Variants in RFX3 observed in about 807,000 individuals in gnomAD.
RFX3 encodes regulatory factor X3, also known as transcription factor RFX3.
A neutral mutation model predicts 98.6 loss-of-function variants in RFX3; 14 were observed. That is an observed-to-expected ratio of 0.14 (90% CI 0.09 to 0.22). The LOEUF (loss-of-function observed/expected upper bound fraction) is 0.22, where lower values mean the gene tolerates loss of function less well. Ranked by LOEUF, RFX3 falls within the 10% of genes least tolerant of loss-of-function variation. The pLI, the probability that RFX3 is intolerant of heterozygous loss-of-function variation, is 1.00. For missense variants in RFX3, 639 were observed against 926.9 expected, an observed-to-expected ratio of 0.69 and a Z score of 4.03; for synonymous variants, 383 against 328.4, an observed-to-expected ratio of 1.17 and a Z score of -1.80.
intron 1 of RFX3, among the ~76,000 whole-genome samples, chr9:3,505,712 G>T (rs910679003): frequency 7.3e-5 from 11 of 151,072 alleles, no homozygotes; most frequent in Non-Finnish European, 1.6e-4. Flanking sequence ...TATCTGCAAG[G>T]TGTTCTTAAT....
chr9:3,406,539 C>T lies in RFX3; in HGVS notation c.-8-10943G>A, dbSNP rs565089867. ...AACAAGACTATAAACTCCATGAATG[C>T]ATGGACTATCCTTATCTTTTTCACT... On this transcript the variant is annotated intron_variant, in intron 1 of 16. Coordinates refer to ENST00000617270, the MANE Select transcript of RFX3 (RefSeq NM_001282116.2). Among the ~76,000 whole-genome samples, 86 of 152,142 alleles carry T rather than the reference C, an allele frequency of 5.7e-4. 1 individual carries two copies. In the East Asian group the frequency reaches 0.016, roughly 28 times the overall value.
rs138803935 is a variant in RFX3 at position 3,269,670 on chromosome 9, C to G, written c.1357+701G>C. Among the ~76,000 whole-genome samples, 11 of 152,276 alleles carry G rather than the reference C, an allele frequency of 7.2e-5. No homozygotes were observed. The East Asian group carries it at 2.1e-3, about 29-fold the overall frequency. On this transcript the variant is annotated intron_variant, in intron 11 of 16. Coordinates refer to ENST00000617270, the MANE Select transcript of RFX3 (RefSeq NM_001282116.2). ...AAGCACCATCACTTAAAAAGGTAAT[C>G]TAACCTATCTATGTAATTCCCATTT...
chr9:3,269,960 A>G (rs1369924325), intron 11 of RFX3, among the ~76,000 whole-genome samples: 1 of 152,056 alleles, frequency 6.6e-6, no homozygotes, highest in Non-Finnish European at 1.5e-5. Flanking sequence ...GTCCTTGGGT[A>G]GAATAATTTT....
At chr9:3,415,187 A>T (rs1049407724) in intron 1 of RFX3, among the ~76,000 whole-genome samples, 1 of 138,484 alleles carries the variant, frequency 7.2e-6, no homozygotes, top group Non-Finnish European at 1.5e-5. Context: ...ATATATACAC[A>T]TACTCATATA....
intron 1 of RFX3, among the ~76,000 whole-genome samples, chr9:3,455,177 G>A (rs1485440411): frequency 2.0e-5 from 3 of 152,124 alleles, no homozygotes; most frequent in Non-Finnish European, 1.5e-5. Context: ...TCTAGGTAAG[G>A]AACAGACTTC....
intron 4 of RFX3, among the ~76,000 whole-genome samples, chr9:3,326,023 G>A (rs2991306): frequency 0.13 from 20,073 of 151,956 alleles, 1,373 homozygotes; most frequent in Middle Eastern, 0.19. Context: ...TATTCAGGTC[G>A]CAACTTAGCT....
intron 1 of RFX3, among the ~76,000 whole-genome samples, chr9:3,509,945 G>T (rs192313186): frequency 3.3e-4 from 50 of 152,032 alleles, no homozygotes; most frequent in South Asian, 8.3e-4. Flanking sequence ...GGAGGAGGAA[G>T]GAGGGGTTCA....
Position 3,395,681 on chromosome 9 carries a change from C to T in RFX3, c.-8-85G>A. On this transcript the variant is annotated intron_variant, in intron 1 of 16. Coordinates refer to ENST00000617270, the MANE Select transcript of RFX3 (RefSeq NM_001282116.2). ...TTACAATTGTTCTTAAAATCCTATA[C>T]TGAAACTAACTTTCAACTCTCATAC... 8 of 1,408,252 alleles carry T rather than the reference C, an allele frequency of 5.7e-6. No homozygotes were observed. The South Asian group carries it at 6.2e-5, about 11-fold the overall frequency. The allele number at this position is 1,408,252 out of a possible 1,614,324, so 87.2% of individuals were successfully genotyped here. A position where few individuals can be genotyped will look rare whatever the true frequency, so the allele number is the denominator to read the frequency against.
intron 15 of RFX3, among the ~76,000 whole-genome samples, chr9:3,232,101 C>T (rs889510409): frequency 3.3e-5 from 5 of 150,970 alleles, no homozygotes; most frequent in African/African-American, 1.2e-4. Flanking sequence ...GAGGAGGAAG[C>T]AGTAAAAGAT....
intron 7 of RFX3, among the ~76,000 whole-genome samples, chr9:3,281,835 T>C (rs797013442): frequency 8.6e-5 from 13 of 151,820 alleles, no homozygotes; most frequent in African/African-American, 2.9e-4. Flanking sequence ...CCCACACACA[T>C]GGGTACTAAA....
intron 15 of RFX3, among the ~76,000 whole-genome samples, chr9:3,246,797 C>G (rs1820737979): frequency 6.6e-6 from 1 of 152,126 alleles, no homozygotes; most frequent in Non-Finnish European, 1.5e-5. Context: ...CTTAATCTCA[C>G]ACATATATTT....
chr9:3,278,905 A>G (rs1257430642), intron 7 of RFX3, among the ~76,000 whole-genome samples: 1 of 151,884 alleles, frequency 6.6e-6, no homozygotes, highest in Non-Finnish European at 1.5e-5. Flanking sequence ...CTCATTACAA[A>G]AAAATTGATT....
chr9:3,454,724 A>AT (rs1437223440), intron 1 of RFX3, among the ~76,000 whole-genome samples: 1 of 152,206 alleles, frequency 6.6e-6, no homozygotes, highest in Non-Finnish European at 1.5e-5. Flanking sequence ...AATAATGGCT[A>AT]TTATTGACTA....
intron 4 of RFX3, among the ~76,000 whole-genome samples, chr9:3,302,905 C>T (rs118140335): frequency 3.0e-4 from 46 of 151,796 alleles, no homozygotes; most frequent in African/African-American, 9.6e-4. Flanking sequence ...TATTTTCCCA[C>T]GTTGCTAATT....
chr9:3,480,564 C>T (rs1448539214), intron 1 of RFX3, among the ~76,000 whole-genome samples: 1 of 152,282 alleles, frequency 6.6e-6, no homozygotes, highest in South Asian at 2.1e-4. Flanking sequence ...GTTCAGATGA[C>T]TGGAATGGAC....
chr9:3,349,260 T>A (rs1045610291), intron 2 of RFX3, among the ~76,000 whole-genome samples: 1 of 152,022 alleles, frequency 6.6e-6, no homozygotes, highest in African/African-American at 2.4e-5. Context: ...GGTTTCAAAA[T>A]AAAAATATCA....
chr9:3,322,291 C>A lies in RFX3; in HGVS notation c.474+7968G>T, dbSNP rs539030993. Among the ~76,000 whole-genome samples the A allele has an allele frequency of 3.9e-5, 6 of 152,152 alleles. No homozygotes were observed. The East Asian group carries it at 9.7e-4, about 24-fold the overall frequency. ...TTCAAGTTTCCTTTTGTATCCCTGG[C>A]GAACTTTAGGTGTTTTTTATTCAGC... On this transcript the variant is annotated intron_variant, in intron 4 of 16. Coordinates refer to ENST00000617270, the MANE Select transcript of RFX3 (RefSeq NM_001282116.2).
chr9:3,394,351 T>A (rs757595323), intron 2 of RFX3, among the ~76,000 whole-genome samples: 1 of 152,078 alleles, frequency 6.6e-6, no homozygotes, highest in Non-Finnish European at 1.5e-5. Context: ...TAGTCCCAGC[T>A]ATTCTGGAGG....
At chr9:3,480,173 G>A (rs1207936775) in intron 1 of RFX3, among the ~76,000 whole-genome samples, 3 of 152,160 alleles carry the variant, frequency 2.0e-5, no homozygotes, top group Non-Finnish European at 4.4e-5. Flanking sequence ...GCTCAACTAG[G>A]CAGTTCTTAC....
Sources: gnomAD v4.1 joint callset for allele counts (sites outside exome capture counted in the v4.1 genomes callset) on GRCh38, gnomAD v4.1.1 for gene constraint, MANE v1.5 for transcripts, NCBI Gene and HGNC (gene_info 2026-07-23, HGNC 2026-07-21) for gene names.